The following BEND6 variants were observed in gnomAD, a reference collection of about 807,000 sequenced individuals.
BEND6 encodes BEN domain containing 6, also known as BEN domain-containing protein 6.
Under a neutral mutation model 31.8 loss-of-function variants are expected in BEND6, and 24 were observed. That is an observed-to-expected ratio of 0.75 (90% CI 0.55 to 1.06). The LOEUF is 1.06. Ranked by LOEUF, BEND6 falls within the 50% of genes least tolerant of loss-of-function variation. The pLI is 0.00. For missense variants in BEND6, 294 were observed against 327.4 expected (o/e 0.90, Z 0.79); for synonymous variants, 109 against 114.6 (o/e 0.95, Z 0.31).
At position 56,998,356 on chromosome 6, in the gene BEND6, A is replaced by G. The variant is rs118030537; in HGVS notation, c.298+5801A>G. 4.0e-4 allele frequency among the ~76,000 whole-genome samples: 61 copies of G among 152,284 alleles called. No individual in the cohort carries two copies. The East Asian group carries it at 9.9e-3, about 25-fold the overall frequency. ...AGAAAAATGGCAGAATGAATATGCTATTCTAGAAATTCAGGATGGCAAACG... is the reference window on the plus strand; with the variant it reads ...AGAAAAATGGCAGAATGAATATGCTGTTCTAGAAATTCAGGATGGCAAACG... On this transcript the variant is annotated intron_variant, in intron 3 of 6. Transcript: ENST00000370746.
chr6:57,022,455 G>T (rs1181157331), intron 6 of BEND6, among the ~76,000 whole-genome samples: 1 of 151,710 alleles, frequency 6.6e-6, no homozygotes, highest in African/African-American at 2.4e-5. Context: ...TTGTATTTGT[G>T]TGGTCTCGGT....
At chr6:57,015,504 G>C in intron 4 of BEND6, 151 bp downstream of exon 4, 3 of 896,836 alleles carry the variant, frequency 3.3e-6, no homozygotes, top group Non-Finnish European at 3.3e-6. Flanking sequence ...GTACCACAAA[G>C]AAGAGGCATA....
chr6:57,001,528 G>A (rs1826945489), intron 3 of BEND6, among the ~76,000 whole-genome samples: 1 of 152,158 alleles, frequency 6.6e-6, no homozygotes, highest in Admixed American at 6.5e-5. Flanking sequence ...ACCCCATCAG[G>A]TGAATGGTGG....
At chr6:56,960,436 TAAA>T (rs907487791) in intron 1 of BEND6, among the ~76,000 whole-genome samples, 1 of 152,118 alleles carries the variant, frequency 6.6e-6, no homozygotes, top group Non-Finnish European at 1.5e-5. Context: ...AGTAAAAAGA[TAAA>T]AAAGTAAGGT....
At chr6:56,990,333 A>G (rs541050513) in intron 2 of BEND6, among the ~76,000 whole-genome samples, 159 of 149,076 alleles carry the variant, frequency 1.1e-3, no homozygotes, top group Non-Finnish European at 1.7e-3. Flanking sequence ...CACAGCCTCA[A>G]CCTACCAAGC....
intron 2 of BEND6, among the ~76,000 whole-genome samples, chr6:56,989,425 T>C (rs1253705178): frequency 1.3e-5 from 2 of 152,242 alleles, no homozygotes; most frequent in Non-Finnish European, 2.9e-5. Context: ...AACAGTGTTA[T>C]GGAAAGTCTT....
intron 3 of BEND6, chr6:57,004,786 A>G: frequency 1.1e-6 from 1 of 947,666 alleles, no homozygotes; most frequent in Non-Finnish European, 1.7e-6. Flanking sequence ...GAAATCCATC[A>G]AAGAATTGGG....
chr6:57,016,613 T>C (rs1261279684), intron 4 of BEND6, among the ~76,000 whole-genome samples: 1 of 152,216 alleles, frequency 6.6e-6, no homozygotes, highest in Non-Finnish European at 1.5e-5. Flanking sequence ...TCGGCCATCT[T>C]CAAAGCCAGC....
Position 56,998,759 on chromosome 6 carries a change from A to G in BEND6, c.298+6204A>G, listed in dbSNP as rs2127870765. ...GAGCATAGGCAACAAAAGCAAAAAA[A>G]AAAAAGAAGGAAAGAAAGAAAAAGG... On this transcript the variant is annotated intron_variant, in intron 3 of 6. Coordinates refer to ENST00000370746, the MANE Select transcript of BEND6 (RefSeq NM_152731.3). Among the ~76,000 whole-genome samples, 3 of 152,078 alleles carry G rather than the reference A, an allele frequency of 2.0e-5. 1 individual carries two copies. The South Asian group carries it at 6.2e-4, about 32-fold the overall frequency.
intron 6 of BEND6, among the ~76,000 whole-genome samples, chr6:57,024,930 A>G (rs1172266484): frequency 1.3e-5 from 2 of 152,130 alleles, no homozygotes; most frequent in Non-Finnish European, 2.9e-5. Context: ...CTCTGACTGT[A>G]TATTTTCAAA....
chr6:57,013,721 A>C (rs897783937), intron 3 of BEND6: 2 of 152,408 alleles, frequency 1.3e-5, no homozygotes, highest in Non-Finnish European at 2.9e-5. Flanking sequence ...ACTGGGACAA[A>C]GGCCAGATCA....
intron 1 of BEND6, among the ~76,000 whole-genome samples, chr6:56,970,990 C>T (rs756060806): frequency 5.3e-5 from 8 of 152,128 alleles, no homozygotes; most frequent in Non-Finnish European, 1.2e-4. Context: ...ATAAAATTTA[C>T]CATTTTAATC....
At chr6:56,965,111 T>G (rs1032590326) in intron 1 of BEND6, among the ~76,000 whole-genome samples, 1 of 152,210 alleles carries the variant, frequency 6.6e-6, no homozygotes, top group Non-Finnish European at 1.5e-5. Flanking sequence ...AAATATATAA[T>G]AAATGTATTT....
At chr6:56,961,711 A>T (rs974992009) in intron 1 of BEND6, among the ~76,000 whole-genome samples, 1 of 152,226 alleles carries the variant, frequency 6.6e-6, no homozygotes, top group Non-Finnish European at 1.5e-5. Context: ...AATTAGTATT[A>T]GGTTCCCAGA....
Position 56,972,992 on chromosome 6 carries a change from C to T in BEND6, c.-100-8719C>T, listed in dbSNP as rs150803803. On this transcript the variant is annotated intron_variant, in intron 1 of 6. Transcript: ENST00000370746. Reference sequence around the variant, plus strand: ...CTCTCTTCTGTGGAGCATTGATCTACGTACAAAGAAATGAAAAATAAAGAA... The same window carrying T: ...CTCTCTTCTGTGGAGCATTGATCTATGTACAAAGAAATGAAAAATAAAGAA... Among the ~76,000 whole-genome samples the T allele has an allele frequency of 1.4e-3, 219 of 152,192 alleles. 2 individuals carry two copies. Among genetic ancestry groups the T allele is most frequent in the Non-Finnish European group, 1.7e-3 (118 of 68,018 alleles).
At chr6:56,997,025 T>G (rs1057348223) in intron 3 of BEND6, among the ~76,000 whole-genome samples, 2 of 152,218 alleles carry the variant, frequency 1.3e-5, no homozygotes, top group Admixed American at 1.3e-4. Flanking sequence ...AAAGTCTTTT[T>G]ATGATCTTTG....
At chr6:56,995,487 A>G (rs1378505417) in intron 3 of BEND6, among the ~76,000 whole-genome samples, 1 of 152,220 alleles carries the variant, frequency 6.6e-6, no homozygotes, top group Non-Finnish European at 1.5e-5. Flanking sequence ...GGCTTAAACC[A>G]CAGAAATTTA....
intron 3 of BEND6, among the ~76,000 whole-genome samples, chr6:57,001,040 A>G (rs933797203): frequency 2.6e-5 from 4 of 151,992 alleles, no homozygotes; most frequent in Admixed American, 6.5e-5. Flanking sequence ...AAAAAATCAT[A>G]CCCACATGAA....
At chr6:56,996,354 C>T (rs1169654759) in intron 3 of BEND6, among the ~76,000 whole-genome samples, 1 of 151,874 alleles carries the variant, frequency 6.6e-6, no homozygotes, top group Non-Finnish European at 1.5e-5. Context: ...GGCTGAGGCA[C>T]GAGAATTGCT....
Sources: gnomAD v4.1 joint callset for allele counts (sites outside exome capture counted in the v4.1 genomes callset) on GRCh38, gnomAD v4.1.1 for gene constraint, MANE v1.5 for transcripts, NCBI Gene and HGNC (gene_info 2026-07-23, HGNC 2026-07-21) for gene names.